Variants in BSN observed in about 807,000 individuals in gnomAD.
BSN encodes protein bassoon.
In BSN, 57 loss-of-function variants were observed where a neutral mutation model predicts 264.8. The ratio of observed to expected loss-of-function variants is 0.22; its 90% CI spans 0.17 to 0.27. The LOEUF is 0.27. BSN is among the 10% of genes least tolerant of loss of function. The pLI, the probability that BSN is intolerant of heterozygous loss-of-function variation, is 1.00. For missense variants in BSN, 4,615 were observed against 5,232.5 expected (o/e 0.88, Z 3.64); for synonymous variants, 2,059 against 2,137.3 (o/e 0.96, Z 1.01).
chr3:49,647,407 C>T (rs2108076564), intron 3 of BSN, among the ~76,000 whole-genome samples: 1 of 152,310 alleles, frequency 6.6e-6, no homozygotes, highest in South Asian at 2.1e-4. Flanking sequence ...TTGTATCTTC[C>T]TGCCCTAGAA....
In BSN at chr3:49,592,700, G is replaced by A. The variant is rs892335045; in HGVS notation, c.225-32275G>A. Among the ~76,000 whole-genome samples the A allele has an allele frequency of 2.7e-5, 4 of 150,732 alleles. No homozygotes were observed. The South Asian group carries it at 8.4e-4, about 32-fold the overall frequency. On this transcript the variant is annotated intron_variant, in intron 1 of 11. Transcript: ENST00000296452. ...TGGGAGGCGGAGCTTGCAGTGAGCC[G>A]AGATAGCGCCGCTGCACTCTGGCCC...
At chr3:49,560,364 A>T (rs1312740685) in intron 1 of BSN, among the ~76,000 whole-genome samples, 1 of 152,204 alleles carries the variant, frequency 6.6e-6, no homozygotes, top group African/African-American at 2.4e-5. Context: ...AGCAGTTATG[A>T]CTACCATTAC....
chr3:49,664,328 T>G, intron 8 of BSN, 95 bp from the exon 9 acceptor site: 1 of 1,520,844 alleles, frequency 6.6e-7, no homozygotes, highest in Non-Finnish European at 9.1e-7. Context: ...CCTTATAGGG[T>G]ACCTGTGTTC....
intron 1 of BSN, among the ~76,000 whole-genome samples, chr3:49,587,591 A>C (rs2051945963): frequency 6.6e-6 from 1 of 152,228 alleles, no homozygotes; most frequent in African/African-American, 2.4e-5. Flanking sequence ...AGCAGGCTAG[A>C]GCAAGCAGCT....
At chr3:49,564,743 A>G (rs1307490726) in intron 1 of BSN, among the ~76,000 whole-genome samples, 1 of 152,180 alleles carries the variant, frequency 6.6e-6, no homozygotes, top group African/African-American at 2.4e-5. Context: ...CCTTCAGACT[A>G]TGTCACTCAT....
In BSN at chr3:49,652,487, T is replaced by C; in HGVS notation, c.2931T>C (p.Gly977=). The C allele has an allele frequency of 6.2e-7, 1 of 1,613,774 alleles. No individual in the cohort carries two copies. Among genetic ancestry groups the C allele is most frequent in the Non-Finnish European group, 8.5e-7 (1 of 1,179,998 alleles). The part of the protein sequence containing the change: ...LTGSPEDRSR[G]EHSSTLPAST... Reference sequence around the variant, plus strand: ...GCTCCCCTGAGGACCGCTCCCGTGGTGAGCACTCCTCTACATTGCCTGCCT... The same window carrying C: ...GCTCCCCTGAGGACCGCTCCCGTGGCGAGCACTCCTCTACATTGCCTGCCT... The change falls in exon 5 of 12, where the codon GGT becomes GGC. Residue 977 remains glycine, a synonymous_variant. Transcript: ENST00000296452.
At position 49,657,026 on chromosome 3, in the gene BSN, A is replaced by C. The variant is rs1293149748; in HGVS notation, c.7470A>C (p.Leu2490=). The C allele has an allele frequency of 2.5e-6, 4 of 1,610,110 alleles. No homozygotes were observed. Among genetic ancestry groups the C allele is most frequent in the Non-Finnish European group, 1.7e-6 (2 of 1,177,706 alleles). ...AGGCACCTGGCCGAGGGCCTCCCCT[A>C]GCGGCTGCTGAGTTGGCCCAGAATG... ...ACEAPGRGPP[L]AAAELAQNGQ... is the part of the protein sequence containing the mutation. The change falls in exon 5 of 12, where the codon CTA becomes CTC. Residue 2490 remains leucine (L), a synonymous_variant. Transcript: ENST00000296452.
chr3:49,605,016 T>G (rs929554126), intron 1 of BSN, among the ~76,000 whole-genome samples: 5 of 151,278 alleles, frequency 3.3e-5, no homozygotes, highest in Non-Finnish European at 5.9e-5. Flanking sequence ...TCCCAGCACT[T>G]TGGGAGGCTG....
Position 49,657,997 on chromosome 3 carries a change from G to A in BSN, c.8441G>A (p.Ser2814Asn). The change falls in exon 5 of 12, where the codon AGT becomes AAT. Residue 2814 changes from serine to asparagine, a missense_variant. Physicochemically the swap from Ser to Asn is conservative, Grantham distance 46. This residue lies in a region of BSN where 3,415 missense variants were observed against 3,866.4 expected (regional missense o/e 0.88). Transcript: ENST00000296452. ...HRLLDTSFASSERLNKAHVSP... is the reference protein window; with the variant it reads ...HRLLDTSFASNERLNKAHVSP... ...CTCCTGGACACCTCCTTTGCTTCCA[G>A]TGAGAGGCTGAACAAAGCTCACGTG... The A allele has an allele frequency of 1.2e-6, 2 of 1,612,828 alleles. No homozygotes were observed. Among genetic ancestry groups the A allele is most frequent in the South Asian group, 2.2e-5 (2 of 90,998 alleles).
chr3:49,641,668 T>C (rs1249263672), intron 2 of BSN: 1 of 152,270 alleles, frequency 6.6e-6, no homozygotes, highest in African/African-American at 2.4e-5. Context: ...TTTTTCATTC[T>C]GTAGTATCTT....
Position 49,611,334 on chromosome 3 carries a change from C to T in BSN, c.225-13641C>T, listed in dbSNP as rs79146794. On this transcript the variant is annotated intron_variant, in intron 1 of 11. Transcript: ENST00000296452. The stretch of plus-strand genomic sequence containing the variant: ...GCTTTATGTAATGACTTCAGTCTCC[C>T]GATTTGAGCTTCCTAGCTTTAGGAG... Among the ~76,000 whole-genome samples, 1,471 of 152,296 alleles carry T rather than the reference C, an allele frequency of 9.7e-3. 27 individuals are homozygous for T. Among genetic ancestry groups the T allele is most frequent in the African/African-American group, 0.034 (1,415 of 41,554 alleles).
intron 8 of BSN, 108 bp downstream of exon 8, chr3:49,663,994 C>T: frequency 9.1e-7 from 1 of 1,102,826 alleles, no homozygotes; most frequent in African/African-American, 1.6e-5. Context: ...CCTCACTAAT[C>T]CCTGAGAAGG....
At chr3:49,608,160 G>A (rs956950389) in intron 1 of BSN, among the ~76,000 whole-genome samples, 8 of 152,324 alleles carry the variant, frequency 5.3e-5, no homozygotes, top group South Asian at 2.1e-4. Flanking sequence ...TGACTCTCAC[G>A]GGCTGAGAGA....
At chr3:49,617,945 C>T (rs1033412891) in intron 1 of BSN, among the ~76,000 whole-genome samples, 7 of 152,154 alleles carry the variant, frequency 4.6e-5, no homozygotes, top group East Asian at 1.9e-4. Flanking sequence ...CTTTCACATA[C>T]GTAGACTCAT....
In BSN at chr3:49,554,591, C is replaced by A; in HGVS notation, c.-12C>A. The stretch of plus-strand genomic sequence containing the variant: ...CAGCGCGACCCCGACCCCGCCCGCC[C>A]GCCTGCCCGCCATGGGCAACGAGGT... On this transcript the variant is annotated 5_prime_UTR_variant, in exon 1 of 12. Transcript: ENST00000296452. 1.0e-6 allele frequency: 1 copy of A among 977,690 alleles called. No homozygotes were observed. Among genetic ancestry groups the A allele is most frequent in the Non-Finnish European group, 1.2e-6 (1 of 823,238 alleles). The allele number at this position is 977,690 out of a possible 1,614,324, so 60.6% of individuals were successfully genotyped here.
At chr3:49,583,651 G>A (rs974267732) in intron 1 of BSN, among the ~76,000 whole-genome samples, 33 of 152,100 alleles carry the variant, frequency 2.2e-4, no homozygotes, top group Non-Finnish European at 4.1e-4. Flanking sequence ...TTTTTCAATG[G>A]TTAGTAGGAT....
intron 1 of BSN, among the ~76,000 whole-genome samples, chr3:49,620,805 C>T (rs144906913): frequency 0.014 from 2,189 of 152,160 alleles, 51 homozygotes; most frequent in Non-Finnish European, 0.017. Context: ...GCCAACATGG[C>T]GAAACTCCGA....
At chr3:49,555,992 C>T (rs755980165) in intron 1 of BSN, among the ~76,000 whole-genome samples, 19 of 152,342 alleles carry the variant, frequency 1.2e-4, no homozygotes, top group Non-Finnish European at 4.4e-5. Flanking sequence ...TTGAAACCTG[C>T]GGCAGACAGG....
In BSN at chr3:49,657,155, C is replaced by T. The variant is rs753522246; in HGVS notation, c.7599C>T (p.Ser2533=). The T allele has an allele frequency of 1.2e-6, 2 of 1,613,362 alleles. No homozygotes were observed. Among genetic ancestry groups the T allele is most frequent in the Admixed American group, 1.7e-5 (1 of 60,026 alleles). The change falls in exon 5 of 12, where the codon AGC becomes AGT. Residue 2533 remains serine, a synonymous_variant. Coordinates refer to ENST00000296452, the MANE Select transcript of BSN (RefSeq NM_003458.4). ...REPVLHRGLP[S]SASDMSLQTE... ...CTGTGCTGCACCGGGGTCTCCCCAG[C>T]TCTGCCTCAGACATGTCACTGCAAA... is the stretch of plus-strand genomic sequence containing the variant.
Sources: gnomAD v4.1 joint callset for allele counts (sites outside exome capture counted in the v4.1 genomes callset) on GRCh38, gnomAD v4.1.1 for gene constraint, gnomAD v4.1.1 regional missense constraint, MANE v1.5 for transcripts, NCBI Gene and HGNC (gene_info 2026-07-23, HGNC 2026-07-21) for gene names.